TECPR2: variants seen among roughly 807,000 people sequenced by gnomAD.
TECPR2 encodes the protein tectonin beta-propeller repeat-containing protein 2.
TECPR2 carries 65 observed loss-of-function variants against 138.1 expected under a neutral mutation model. The observed-to-expected ratio is 0.47, with a 90% CI of 0.39 to 0.58. TECPR2 has a LOEUF of 0.58. Ranked by LOEUF, TECPR2 falls within the 20% of genes least tolerant of loss-of-function variation. TECPR2 has a pLI of 0.00. For missense variants in TECPR2, 1,553 were observed against 1,824.5 expected (o/e 0.85, Z 2.71); for synonymous variants, 746 against 749.8 (o/e 0.99, Z 0.08).
chr14:102,444,016 T>C (rs1026481007), intron 12 of TECPR2, among the ~76,000 whole-genome samples, 189 bp downstream of exon 12: 1 of 152,166 alleles, frequency 6.6e-6, no homozygotes, highest in Non-Finnish European at 1.5e-5. Flanking sequence ...GAGCTCGCTT[T>C]TTAAAAATGC....
chr14:102,453,966 T>C (rs1053922881), intron 16 of TECPR2, among the ~76,000 whole-genome samples: 4 of 151,960 alleles, frequency 2.6e-5, no homozygotes, highest in Non-Finnish European at 5.9e-5. Context: ...CTGGCCAACA[T>C]GGTGAAACCC....
At position 102,434,346 on chromosome 14, in the gene TECPR2, G is replaced by T. The variant is rs748829148; in HGVS notation, c.1529G>T (p.Ser510Ile). ...LNTDLLSMTS[S>I]VLGSSVDQLS... The stretch of plus-strand genomic sequence containing the variant: ...ACAGACTTGCTGTCGATGACCTCAA[G>T]TGTCCTGGGCAGTAGCGTGGATCAG... Residue 510 changes from serine (S) to isoleucine (I), a missense_variant, in exon 9 of 20, where the codon AGT becomes ATT. Coordinates refer to ENST00000359520, the MANE Select transcript of TECPR2 (RefSeq NM_014844.5). 6.8e-7 allele frequency: 1 copy of T among 1,480,636 alleles called. No homozygotes were observed. Among genetic ancestry groups the T allele is most frequent in the Non-Finnish European group, 9.0e-7 (1 of 1,113,828 alleles). 91.7% of individuals were successfully genotyped at this position (1,480,636 alleles called of 1,614,324 possible).
Position 102,465,209 on chromosome 14 carries a change from G to A in TECPR2, c.3709G>A (p.Val1237Ile), listed in dbSNP as rs1337879105. Residue 1237 changes from valine to isoleucine, a missense_variant, in exon 17 of 20, where the codon GTT becomes ATT. Transcript: ENST00000359520. ...HIWACDSRGG[V>I]YFRVGTQPLN... Reference sequence around the variant, plus strand: ...CTGGGCCTGTGATTCCAGGGGTGGAGTTTACTTCCGTGTAGGGACTCAGCC... The same window carrying A: ...CTGGGCCTGTGATTCCAGGGGTGGAATTTACTTCCGTGTAGGGACTCAGCC... 3.1e-6 allele frequency: 5 copies of A among 1,614,106 alleles called. No individual in the cohort carries two copies. Among genetic ancestry groups the A allele is most frequent in the Non-Finnish European group, 4.2e-6 (5 of 1,180,050 alleles).
Position 102,449,836 on chromosome 14 carries a change from A to T in TECPR2, c.3283A>T (p.Asn1095Tyr). Residue 1095 changes from asparagine (N) to tyrosine (Y), a missense_variant, in exon 14 of 20, where the codon AAT (asparagine) becomes TAT (tyrosine). Asn to Tyr is a moderately radical substitution (Grantham distance 143, BLOSUM62 -2). Transcript: ENST00000359520. ...CGGTGTCTGGATCTCCTCGGGCAAG[A>T]ATGAATTCCACGTCGCTAAGGGAAG... ...NSGVWISSGK[N>Y]EFHVAKGSLI... is the part of the protein sequence containing the mutation. 6.2e-7 allele frequency: 1 copy of T among 1,614,066 alleles called. No homozygotes were observed. Among genetic ancestry groups the T allele is most frequent in the Admixed American group, 1.7e-5 (1 of 60,024 alleles).
intron 13 of TECPR2, among the ~76,000 whole-genome samples, chr14:102,447,558 G>A (rs1037252261): frequency 5.3e-5 from 8 of 151,788 alleles, no homozygotes; most frequent in Admixed American, 3.9e-4. Context: ...TTTTTGAGAC[G>A]GAGTCTTGCT....
intron 12 of TECPR2, among the ~76,000 whole-genome samples, chr14:102,444,877 G>A (rs939067026): frequency 6.6e-6 from 1 of 152,096 alleles, no homozygotes; most frequent in Non-Finnish European, 1.5e-5. Context: ...CCTGGGAGGC[G>A]GAAGTTGCAG....
In TECPR2 at chr14:102,407,423, C is replaced by T. The variant is rs2139693363; in HGVS notation, c.305C>T (p.Ala102Val). 1 of 1,613,552 alleles carries T rather than the reference C, an allele frequency of 6.2e-7. No individual in the cohort carries two copies. Among genetic ancestry groups the T allele is most frequent in the Non-Finnish European group, 8.5e-7 (1 of 1,179,758 alleles). The change falls in exon 3 of 20, where the codon GCA (alanine) becomes GTA (valine). Residue 102 changes from alanine (A) to valine (V), a missense_variant. Coordinates refer to ENST00000359520, the MANE Select transcript of TECPR2 (RefSeq NM_014844.5). ...VAAGTASGRV[A>V]VFQLVSSLPG... is the part of the protein sequence containing the mutation. ...GCAGGCACAGCCTCTGGCAGGGTTGCAGTTTTTCAACTTGTATCTTCATTG... is the reference window on the plus strand; with the variant it reads ...GCAGGCACAGCCTCTGGCAGGGTTGTAGTTTTTCAACTTGTATCTTCATTG...
Position 102,422,450 on chromosome 14 carries a change from C to T in TECPR2, c.639-2529C>T, listed in dbSNP as rs75317102. Among the ~76,000 whole-genome samples the T allele has an allele frequency of 2.4e-3, 371 of 152,248 alleles. 12 individuals carry two copies. The East Asian group carries it at 0.047, about 19-fold the overall frequency. On this transcript the variant is annotated intron_variant, in intron 5 of 19. Transcript: ENST00000359520. ...GTTGTAGTTTCTAAGAACCTGTGGA[C>T]GCTGAGTAGGACGTACTGTACCATT...
intron 16 of TECPR2, among the ~76,000 whole-genome samples, chr14:102,455,758 C>T (rs962900354): frequency 6.6e-6 from 1 of 152,200 alleles, no homozygotes; most frequent in African/African-American, 2.4e-5. Flanking sequence ...ATTACAGGCA[C>T]CCACCACCAC....
chr14:102,481,011 ATT>A (rs564316192), intron 17 of TECPR2, among the ~76,000 whole-genome samples: 36 of 128,732 alleles, frequency 2.8e-4, no homozygotes, highest in Admixed American at 4.7e-4. Flanking sequence ...CGCCTGGCTA[ATT>A]TTTTTTTTTT....
chr14:102,490,349 G>A (rs1477456971), intron 17 of TECPR2, among the ~76,000 whole-genome samples: 1 of 152,162 alleles, frequency 6.6e-6, no homozygotes, highest in Non-Finnish European at 1.5e-5. Context: ...TGCTGGTCTC[G>A]AAGCCCCTCA....
intron 9 of TECPR2, among the ~76,000 whole-genome samples, chr14:102,435,957 C>T (rs530174561): frequency 1.3e-5 from 2 of 152,330 alleles, no homozygotes; most frequent in African/African-American, 2.4e-5. Flanking sequence ...ATTATGGCTG[C>T]GCACTTACAG....
chr14:102,421,729 A>C (rs1224836314), intron 5 of TECPR2, among the ~76,000 whole-genome samples: 1 of 152,176 alleles, frequency 6.6e-6, no homozygotes, highest in Non-Finnish European at 1.5e-5. Flanking sequence ...TTTGTGCTGC[A>C]TGTAAGTAAT....
chr14:102,472,974 T>A (rs1890680903), intron 17 of TECPR2, among the ~76,000 whole-genome samples: 1 of 152,258 alleles, frequency 6.6e-6, no homozygotes, highest in Non-Finnish European at 1.5e-5. Context: ...GCTCGCCTTG[T>A]GCCAGGCTAA....
intron 17 of TECPR2, among the ~76,000 whole-genome samples, chr14:102,477,476 T>G (rs1393845477): frequency 6.6e-6 from 1 of 151,592 alleles, no homozygotes; most frequent in Non-Finnish European, 1.5e-5. Flanking sequence ...AGTGTATGCA[T>G]ATGTCAAAGC....
At position 102,428,222 on chromosome 14, in the gene TECPR2, GTTTTTTTTTTT is replaced by G; in HGVS notation, c.952-16_952-6del. 4 of 1,055,776 alleles carry G rather than the reference GTTTTTTTTTTT, an allele frequency of 3.8e-6. No homozygotes were observed. Among genetic ancestry groups the G allele is most frequent in the African/African-American group, 2.6e-5 (1 of 38,090 alleles). The allele number at this position is 1,055,776 out of a possible 1,614,324, so 65.4% of individuals were successfully genotyped here. ...ACCGTTGTTTAGTTTTGTGTTTTTTGTTTTTTTTTTTTTTTTTTTTTTGACAGGCCACAGTT... is the reference window on the plus strand; with the variant it reads ...ACCGTTGTTTAGTTTTGTGTTTTTTGTTTTTTTTTTTGACAGGCCACAGTT... On this transcript the variant is annotated splice_polypyrimidine_tract_variant and intron_variant, in intron 6 of 19. Transcript: ENST00000359520.
chr14:102,428,223 T>G lies in TECPR2; in HGVS notation c.952-27T>G, dbSNP rs1194436532. On this transcript the variant is annotated intron_variant, in intron 6 of 19. Transcript: ENST00000359520. ...CCGTTGTTTAGTTTTGTGTTTTTTG[T>G]TTTTTTTTTTTTTTTTTTTTTGACA... 35 of 214,682 alleles carry G rather than the reference T, an allele frequency of 1.6e-4. 1 individual carries two copies. Among genetic ancestry groups the G allele is most frequent in the Non-Finnish European group, 2.2e-4 (31 of 141,078 alleles). The allele number at this position is 214,682 out of a possible 1,614,324, so 13.3% of individuals were successfully genotyped here.
chr14:102,379,960 A>G (rs867636433), intron 2 of TECPR2, among the ~76,000 whole-genome samples: 2 of 141,342 alleles, frequency 1.4e-5, no homozygotes, highest in Admixed American at 7.1e-5. Context: ...GAAGATCACC[A>G]TCTTAAAATC....
chr14:102,384,601 C>T (rs1352720884), intron 2 of TECPR2, among the ~76,000 whole-genome samples: 1 of 151,220 alleles, frequency 6.6e-6, no homozygotes, highest in African/African-American at 2.4e-5. Flanking sequence ...CACTTGAACC[C>T]GGGAGGCGGA....
Sources: allele counts gnomAD v4.1 joint callset (sites outside exome capture counted in the v4.1 genomes callset), GRCh38; gene constraint gnomAD v4.1.1; transcripts MANE v1.5; gene names NCBI Gene and HGNC (gene_info 2026-07-23, HGNC 2026-07-21).